ZC3H7B: variants seen among roughly 807,000 people sequenced by gnomAD.
ZC3H7B encodes the protein zinc finger CCCH domain-containing protein 7B.
In ZC3H7B, 35 loss-of-function variants were observed where a neutral mutation model predicts 116.0. The observed-to-expected ratio is 0.30, with a 90% CI of 0.23 to 0.40. ZC3H7B has a LOEUF of 0.40. Ranked by LOEUF, ZC3H7B falls within the 10% of genes least tolerant of loss-of-function variation. The probability of loss-of-function intolerance (pLI) is 1.00; values close to 1 mark genes in which losing one functional copy is unlikely to be tolerated. For missense variants in ZC3H7B, 1,011 were observed against 1,321.5 expected (o/e 0.77, Z 3.64); for synonymous variants, 502 against 545.6 (o/e 0.92, Z 1.11).
chr22:41,343,692 C>A, intron 13 of ZC3H7B, 116 bp downstream of exon 13: 1 of 1,365,706 alleles, frequency 7.3e-7, no homozygotes, highest in Non-Finnish European at 9.6e-7. Context: ...CACAGCTGCA[C>A]GGGAGGAGAA....
intron 2 of ZC3H7B, among the ~76,000 whole-genome samples, chr22:41,322,256 C>T (rs1342110268): frequency 2.6e-5 from 4 of 151,942 alleles, no homozygotes; most frequent in African/African-American, 7.3e-5. Flanking sequence ...GGTGCGATCT[C>T]GGCTCACTGC....
intron 1 of ZC3H7B, among the ~76,000 whole-genome samples, chr22:41,314,539 C>T (rs1049173984): frequency 5.3e-5 from 8 of 151,958 alleles, no homozygotes; most frequent in African/African-American, 9.7e-5. Context: ...GCTCCCACTT[C>T]GCCTCCCAAA....
At chr22:41,322,168 C>T (rs1316688170) in intron 2 of ZC3H7B, among the ~76,000 whole-genome samples, 1 of 149,682 alleles carries the variant, frequency 6.7e-6, no homozygotes, top group Non-Finnish European at 1.5e-5. Context: ...TTGTATGCCT[C>T]TGAGCACCCA....
At chr22:41,330,235 G>A (rs1182697390) in intron 6 of ZC3H7B, 132 bp downstream of exon 6, 4 of 841,462 alleles carry the variant, frequency 4.8e-6, no homozygotes, top group African/African-American at 1.7e-5. Flanking sequence ...GACAGCAGGT[G>A]ATCTTCCTTG....
At chr22:41,331,099 C>T (rs1409439364) in intron 6 of ZC3H7B, among the ~76,000 whole-genome samples, 12 of 142,912 alleles carry the variant, frequency 8.4e-5, no homozygotes, top group African/African-American at 2.3e-4. Context: ...CCTCGTGATC[C>T]GCCCGCCTCA....
chr22:41,336,385 T>C (rs5758301), intron 7 of ZC3H7B: 59,730 of 151,632 alleles, frequency 0.39, 13,921 homozygotes, highest in African/African-American at 0.61. Flanking sequence ...AAAAATTAGC[T>C]GGGCGCGGTG....
chr22:41,339,902 G>A lies in ZC3H7B; in HGVS notation c.903G>A (p.Leu301=). 6.2e-7 allele frequency: 1 copy of A among 1,613,814 alleles called. No homozygotes were observed. The highest frequency in any genetic ancestry group is 8.5e-7 in the Non-Finnish European group (1 of 1,179,988). Residue 301 remains leucine (L), a synonymous_variant, in exon 10 of 23, where the codon CTG becomes CTA. Coordinates refer to ENST00000352645, the MANE Select transcript of ZC3H7B (RefSeq NM_017590.6). ...CCGTGTTCCCCGGCGGGACCCCACT[G>A]CTACCACCTGTGGTGGGTGGCTCCA... The part of the protein sequence containing the change: ...LIPVFPGGTP[L]LPPVVGGSIP...
At chr22:41,319,819 A>G (rs1203005468) in intron 1 of ZC3H7B, among the ~76,000 whole-genome samples, 1 of 152,094 alleles carries the variant, frequency 6.6e-6, no homozygotes, top group Non-Finnish European at 1.5e-5. Flanking sequence ...ACCTGAGGTC[A>G]GGAGTTTGAA....
At chr22:41,308,476 G>A (rs1362884845) in intron 1 of ZC3H7B, among the ~76,000 whole-genome samples, 2 of 152,056 alleles carry the variant, frequency 1.3e-5, no homozygotes, top group Non-Finnish European at 2.9e-5. Flanking sequence ...TGATCCTGTC[G>A]AATCTGCATC....
intron 2 of ZC3H7B, 102 bp downstream of exon 2, chr22:41,320,815 T>C: frequency 6.6e-7 from 1 of 1,513,708 alleles, no homozygotes; most frequent in African/African-American, 1.4e-5. Flanking sequence ...GCTGAGCCTT[T>C]GCTGCCAAGG....
intron 13 of ZC3H7B, 47 bp from the exon 14 acceptor site, chr22:41,345,956 C>G (rs1247091562): frequency 6.2e-7 from 1 of 1,600,738 alleles, no homozygotes. Context: ...GTGCTGCGGG[C>G]TGCTATCCCC....
intron 14 of ZC3H7B, 49 bp from the exon 15 acceptor site, chr22:41,348,018 C>G (rs761366): frequency 0.25 from 382,435 of 1,543,410 alleles, 52,694 homozygotes; most frequent in Admixed American, 0.48. Flanking sequence ...CAGCTCACCC[C>G]CTTCCCAGGT....
rs1264134284 is a variant in ZC3H7B, at chr22:41,302,662, C to G, written c.-7+890C>G. Among the ~76,000 whole-genome samples the G allele has an allele frequency of 6.6e-6, 1 of 152,218 alleles. No individual in the cohort carries two copies. Among genetic ancestry groups the G allele is most frequent in the African/African-American group, 2.4e-5 (1 of 41,452 alleles). On this transcript the variant is annotated intron_variant, in intron 1 of 22. Transcript: ENST00000352645. The surrounding 1 kb of genome is among the most constrained non-coding windows in gnomAD (Gnocchi z 5.7). ...TCCCCTCCTTTCTCCTCAACTCTGT[C>G]TGTTTTAGGCGTTTATAAGGCGCCT...
intron 12 of ZC3H7B, 44 bp downstream of exon 12, chr22:41,342,672 G>A (rs1416047585): frequency 6.5e-7 from 1 of 1,527,382 alleles, no homozygotes; most frequent in South Asian, 1.1e-5. Flanking sequence ...CCAGAGAACT[G>A]GGAATCTCAG....
intron 7 of ZC3H7B, among the ~76,000 whole-genome samples, chr22:41,337,542 A>T (rs554281595): frequency 1.6e-3 from 244 of 152,236 alleles, no homozygotes; most frequent in Non-Finnish European, 2.7e-3. Context: ...ACCTGGGTTT[A>T]TGCCCTTCTC....
rs2145938737 is a variant in ZC3H7B, at chr22:41,349,052, C to A, written c.1767-68C>A. ...GAGAGCCTGGCACTGGGAAGGTGGC[C>A]CTACCAGGAGAGAAGGTCAGAGGGG... On this transcript the variant is annotated intron_variant, in intron 15 of 22. Transcript: ENST00000352645. The surrounding 1 kb of genome is among the most constrained non-coding windows in gnomAD (Gnocchi z 4.9). The A allele has an allele frequency of 1.3e-6, 2 of 1,536,750 alleles. No homozygotes were observed. Among genetic ancestry groups the A allele is most frequent in the Non-Finnish European group, 1.8e-6 (2 of 1,131,320 alleles).
intron 11 of ZC3H7B, 85 bp downstream of exon 11, chr22:41,341,231 G>A: frequency 6.5e-7 from 1 of 1,528,370 alleles, no homozygotes; most frequent in Non-Finnish European, 9.0e-7. Context: ...CCCTCTGCAT[G>A]GGGTAAGGCA....
At chr22:41,347,993 A>G in intron 14 of ZC3H7B, 74 bp from the exon 15 acceptor site, 1 of 1,294,154 alleles carries the variant, frequency 7.7e-7, no homozygotes. Flanking sequence ...TTCCCCAGCT[A>G]GCTGTGTGGG....
rs1019233662 is a variant in ZC3H7B at position 41,302,549 on chromosome 22, G to A, written c.-7+777G>A. Reference sequence around the variant, plus strand: ...CGGGGGCGCCCTGACGGGGCTGGGGGCCTGGGAGCCGCCGACTCCGGCCTC... The same window carrying A: ...CGGGGGCGCCCTGACGGGGCTGGGGACCTGGGAGCCGCCGACTCCGGCCTC... On this transcript the variant is annotated intron_variant, in intron 1 of 22. Coordinates refer to ENST00000352645, the MANE Select transcript of ZC3H7B (RefSeq NM_017590.6). This position sits in a 1 kb window ranked among gnomAD's most constrained non-coding sequence, Gnocchi z 5.7. 1.3e-5 allele frequency among the ~76,000 whole-genome samples: 2 copies of A among 152,128 alleles called. No homozygotes were observed. The highest frequency in any genetic ancestry group is 2.4e-5 in the African/African-American group (1 of 41,526).
Sources: allele counts gnomAD v4.1 joint callset (sites outside exome capture counted in the v4.1 genomes callset), GRCh38; gene constraint gnomAD v4.1.1; non-coding constraint Gnocchi (gnomAD v3.1); transcripts MANE v1.5; gene names NCBI Gene and HGNC (gene_info 2026-07-23, HGNC 2026-07-21).